The following LRRC7 variants were observed in gnomAD, a reference collection of about 807,000 sequenced individuals.
LRRC7 encodes leucine-rich repeat-containing protein 7.
Under a neutral mutation model 175.7 loss-of-function variants are expected in LRRC7, and 23 were observed. The observed-to-expected ratio is 0.13, with a 90% CI of 0.09 to 0.19. The LOEUF is 0.19. Ranked by LOEUF, LRRC7 falls within the 10% of genes least tolerant of loss-of-function variation. The probability of loss-of-function intolerance (pLI) is 1.00; values close to 1 mark genes in which losing one functional copy is unlikely to be tolerated. For missense variants in LRRC7, 1,354 were observed against 1,904.7 expected (o/e 0.71, Z 5.38); for synonymous variants, 685 against 680.9 (o/e 1.01, Z -0.09).
chr1:69,920,497 C>T (rs909183769), intron 7 of LRRC7, among the ~76,000 whole-genome samples: 6 of 152,052 alleles, frequency 3.9e-5, no homozygotes, highest in African/African-American at 7.2e-5. Flanking sequence ...AAGATAAGTC[C>T]TATTACTAAT....
intron 23 of LRRC7, among the ~76,000 whole-genome samples, chr1:70,064,201 G>T (rs1661793129): frequency 6.6e-6 from 1 of 151,920 alleles, no homozygotes. Context: ...ATATATTTGT[G>T]CAAGTTTGTC....
chr1:69,709,154 A>G (rs556492424), intron 2 of LRRC7, among the ~76,000 whole-genome samples: 137 of 152,360 alleles, frequency 9.0e-4, no homozygotes, highest in Non-Finnish European at 1.7e-3. Context: ...TAGACTATGC[A>G]GTGGTAAGAA....
chr1:70,108,579 C>A (rs1665303061), intron 26 of LRRC7, among the ~76,000 whole-genome samples: 1 of 152,074 alleles, frequency 6.6e-6, no homozygotes, highest in South Asian at 2.1e-4. Flanking sequence ...TAAGCATTAT[C>A]GATGTATTTA....
intron 25 of LRRC7, among the ~76,000 whole-genome samples, chr1:70,096,700 T>G (rs369465070): frequency 6.6e-6 from 1 of 152,214 alleles, no homozygotes; most frequent in South Asian, 2.1e-4. Flanking sequence ...AACCTTTGCT[T>G]ATTCCTAGAC....
At position 70,136,565 on chromosome 1, in the gene LRRC7, T is replaced by C. The variant is rs560483129; in HGVS notation, c.*14678T>C. ...TATAAATAAGCCATGGTCCTACCCCTCAAGAAACACAGTCTAGTGGGGAGA... is the reference window on the plus strand; with the variant it reads ...TATAAATAAGCCATGGTCCTACCCCCCAAGAAACACAGTCTAGTGGGGAGA... On this transcript the variant is annotated 3_prime_UTR_variant, in exon 27 of 27. Coordinates refer to ENST00000651989, the MANE Select transcript of LRRC7 (RefSeq NM_001370785.2). Among the ~76,000 whole-genome samples the C allele has an allele frequency of 6.6e-6, 1 of 152,180 alleles. No homozygotes were observed. The highest frequency in any genetic ancestry group is 1.5e-5 in the Non-Finnish European group (1 of 68,006).
intron 7 of LRRC7, among the ~76,000 whole-genome samples, chr1:69,903,100 A>G (rs974485737): frequency 6.6e-6 from 1 of 152,218 alleles, no homozygotes; most frequent in African/African-American, 2.4e-5. Flanking sequence ...AACCATGGCA[A>G]AAAGTTATTC....
chr1:69,654,878 A>T (rs927198213), intron 1 of LRRC7, among the ~76,000 whole-genome samples: 1 of 152,156 alleles, frequency 6.6e-6, no homozygotes, highest in Non-Finnish European at 1.5e-5. Context: ...AATGAAATTA[A>T]TTTTTAAAAT....
chr1:69,804,140 G>A (rs1214139881), intron 4 of LRRC7, among the ~76,000 whole-genome samples: 1 of 151,154 alleles, frequency 6.6e-6, no homozygotes, highest in African/African-American at 2.4e-5. Context: ...TGTTTTTATT[G>A]AAATACATTG....
At chr1:69,573,257 C>G (rs1645810155) in intron 1 of LRRC7, among the ~76,000 whole-genome samples, 1 of 152,138 alleles carries the variant, frequency 6.6e-6, no homozygotes, top group African/African-American at 2.4e-5. Flanking sequence ...GGCCCCTGTT[C>G]ATTTTTCCCC....
intron 2 of LRRC7, among the ~76,000 whole-genome samples, chr1:69,690,500 T>A (rs947704173): frequency 6.6e-6 from 1 of 152,246 alleles, no homozygotes; most frequent in Non-Finnish European, 1.5e-5. Context: ...TGTTATTTGA[T>A]GAAGGATTTT....
At chr1:69,609,833 A>G (rs557421069) in intron 1 of LRRC7, among the ~76,000 whole-genome samples, 2 of 152,242 alleles carry the variant, frequency 1.3e-5, no homozygotes, top group South Asian at 4.1e-4. Flanking sequence ...TTTACATAGA[A>G]TAATGCCTAG....
chr1:69,716,586 C>T (rs1448739897), intron 2 of LRRC7, among the ~76,000 whole-genome samples: 1 of 151,794 alleles, frequency 6.6e-6, no homozygotes, highest in Non-Finnish European at 1.5e-5. Flanking sequence ...TGATTCCTCT[C>T]ATAAGCCATT....
At chr1:70,014,057 C>G (rs1656754704) in intron 13 of LRRC7, 2 of 151,968 alleles carry the variant, frequency 1.3e-5, no homozygotes, top group African/African-American at 4.8e-5. Context: ...TTTATAGTAT[C>G]AGGTGACAAG....
At chr1:70,103,603 G>T (rs1232795647) in intron 25 of LRRC7, among the ~76,000 whole-genome samples, 1 of 152,148 alleles carries the variant, frequency 6.6e-6, no homozygotes, top group Non-Finnish European at 1.5e-5. Context: ...TTTTAGCCCA[G>T]TGAGACCTAT....
chr1:69,918,206 G>A (rs1028839594), intron 7 of LRRC7, among the ~76,000 whole-genome samples: 53 of 152,260 alleles, frequency 3.5e-4, no homozygotes, highest in Non-Finnish European at 7.4e-5. Flanking sequence ...CAATGCACAC[G>A]ATAGCCCCCT....
At chr1:69,628,957 C>T (rs1018246763) in intron 1 of LRRC7, among the ~76,000 whole-genome samples, 11 of 151,990 alleles carry the variant, frequency 7.2e-5, no homozygotes, top group African/African-American at 2.7e-4. Flanking sequence ...ACACCCTTCA[C>T]AAAAAATAGC....
At chr1:69,688,694 T>G (rs1661491285) in intron 2 of LRRC7, among the ~76,000 whole-genome samples, 3 of 151,980 alleles carry the variant, frequency 2.0e-5, no homozygotes, top group Admixed American at 2.0e-4. Flanking sequence ...ATTTTATCAT[T>G]TTATTGGCCT....
intron 26 of LRRC7, among the ~76,000 whole-genome samples, chr1:70,111,998 T>G (rs1431779911): frequency 1.3e-5 from 2 of 152,218 alleles, no homozygotes; most frequent in Non-Finnish European, 2.9e-5. Context: ...TGTCATCATT[T>G]TAAGGGTTTT....
intron 1 of LRRC7, among the ~76,000 whole-genome samples, chr1:69,583,924 G>C (rs1483845606): frequency 6.6e-6 from 1 of 152,108 alleles, no homozygotes; most frequent in Admixed American, 6.6e-5. Context: ...AGGTATTTGG[G>C]ACTGCCAGTT....
Sources: allele counts gnomAD v4.1 joint callset (sites outside exome capture counted in the v4.1 genomes callset), GRCh38; gene constraint gnomAD v4.1.1; transcripts MANE v1.5; gene names NCBI Gene and HGNC (gene_info 2026-07-23, HGNC 2026-07-21).